LAMB4: variants seen among roughly 807,000 people sequenced by gnomAD.
LAMB4 encodes the protein laminin subunit beta 4.
In LAMB4, 196 loss-of-function variants were observed where a neutral mutation model predicts 199.2. The observed-to-expected ratio is 0.98, with a 90% CI of 0.88 to 1.11. The LOEUF is 1.11. Among genes scored for constraint, LAMB4 ranks in the 50% least tolerant of loss-of-function variants. The pLI is 0.00. For missense variants in LAMB4, 2,080 were observed against 2,171.2 expected (o/e 0.96, Z 0.83); for synonymous variants, 744 against 770.6 (o/e 0.97, Z 0.57).
At chr7:108,106,624 G>A (rs2038025835) in intron 6 of LAMB4, 52 bp from the exon 7 acceptor site, 1 of 1,018,914 alleles carries the variant, frequency 9.8e-7, no homozygotes. Flanking sequence ...AAACGTAATT[G>A]TCAAACACAC....
At chr7:108,043,542 GAT>G in intron 29 of LAMB4, among the ~76,000 whole-genome samples, 1 of 62,538 alleles carries the variant, frequency 1.6e-5, no homozygotes, top group African/African-American at 1.2e-4. Flanking sequence ...AACTGGCTAT[GAT>G]GTTTTTTTTT....
chr7:108,043,326 A>C (rs1038818304), intron 29 of LAMB4, among the ~76,000 whole-genome samples: 1 of 152,144 alleles, frequency 6.6e-6, no homozygotes, highest in Non-Finnish European at 1.5e-5. Context: ...CTTAAAAAAA[A>C]CATAAAATAA....
At position 108,068,085 on chromosome 7, in the gene LAMB4, G is replaced by A; in HGVS notation, c.2377C>T (p.Leu793Phe). The A allele has an allele frequency of 1.9e-6, 3 of 1,614,142 alleles. No individual in the cohort carries two copies. The East Asian group carries it at 6.7e-5, about 36-fold the overall frequency. Residue 793 changes from leucine to phenylalanine, a missense_variant, in exon 19 of 34, where the codon CTT (leucine) becomes TTT (phenylalanine). Leu to Phe is a conservative substitution (Grantham distance 22). Transcript: ENST00000388781. ...CTGTCACAGCAGCGCCCGACCACAA[G>A]AGGTTTACACTGGCACTGGCCTCCA... ...RLGGQCQCKP[L>F]VVGRCCDRCS...
chr7:108,103,812 A>G (rs1339295845), intron 9 of LAMB4, among the ~76,000 whole-genome samples: 3 of 152,164 alleles, frequency 2.0e-5, no homozygotes, highest in Non-Finnish European at 4.4e-5. Context: ...CTTTTCCTGT[A>G]AACAGTCTAA....
At chr7:108,041,401 A>G (rs1340035534) in intron 29 of LAMB4, among the ~76,000 whole-genome samples, 1 of 152,236 alleles carries the variant, frequency 6.6e-6, no homozygotes, top group East Asian at 1.9e-4. Context: ...CTGGGTATAT[A>G]CCCAAAGGGT....
chr7:108,077,579 A>C (rs1421683651), intron 16 of LAMB4, among the ~76,000 whole-genome samples: 1 of 152,134 alleles, frequency 6.6e-6, no homozygotes, highest in Non-Finnish European at 1.5e-5. Context: ...CTGTAATCCC[A>C]GCTACTCAGG....
intron 9 of LAMB4, 81 bp downstream of exon 9, chr7:108,104,418 C>A: frequency 1.3e-6 from 2 of 1,549,958 alleles, no homozygotes; most frequent in East Asian, 2.3e-5. Flanking sequence ...GCCTGCAGCC[C>A]CACAGAAGTG....
chr7:108,055,690 G>GT lies in LAMB4; in HGVS notation c.3696dup (p.His1233ThrfsTer17). On this transcript the variant is annotated frameshift_variant, in exon 25 of 34. Coordinates refer to ENST00000388781, the MANE Select transcript of LAMB4 (RefSeq NM_007356.3). LOFTEE classifies it high-confidence loss of function. The stretch of plus-strand genomic sequence containing the variant: ...AATTTCCCAGATGGGAAAACAGGAT[G>GT]TTTCAAAATCCTTTCTATTTCAGAC... The GT allele has an allele frequency of 6.2e-7, 1 of 1,613,898 alleles. No individual in the cohort carries two copies. Among genetic ancestry groups the GT allele is most frequent in the East Asian group, 2.2e-5 (1 of 44,886 alleles).
chr7:108,068,072 C>T lies in LAMB4; in HGVS notation c.2390G>A (p.Arg797His), dbSNP rs151119551. The T allele has an allele frequency of 4.2e-5, 67 of 1,614,156 alleles. No homozygotes were observed. The highest frequency in any genetic ancestry group is 3.3e-4 in the Middle Eastern group (2 of 6,062). ...TCCAGTTGAGCACCTGTCACAGCAG[C>T]GCCCGACCACAAGAGGTTTACACTG... is the stretch of plus-strand genomic sequence containing the variant. Reference protein sequence around the residue: ...QCQCKPLVVGRCCDRCSTGSY... With the variant: ...QCQCKPLVVGHCCDRCSTGSY... Residue 797 changes from arginine (R) to histidine (H), a missense_variant, in exon 19 of 34, where the codon CGC becomes CAC. Physicochemically the swap from Arg to His is conservative, Grantham distance 29 (BLOSUM62 0). Transcript: ENST00000388781.
At position 108,055,874 on chromosome 7, in the gene LAMB4, A is replaced by G; in HGVS notation, c.3513T>C (p.Thr1171=). 6.2e-7 allele frequency: 1 copy of G among 1,614,176 alleles called. No homozygotes were observed. The highest frequency in any genetic ancestry group is 8.5e-7 in the Non-Finnish European group (1 of 1,180,024). ...CARGHSQEFP[T]CLQCHLCFDQ... ...CAAAGCACAAGTGACATTGAAGACA[A>G]GTAGGGAATTCCTGGCTGTGTCCCC... The change falls in exon 25 of 34, where the codon ACT becomes ACC. Residue 1171 remains threonine (T), a synonymous_variant. Transcript: ENST00000388781.
In LAMB4 at chr7:108,106,501, A is replaced by G; in HGVS notation, c.655+8T>C. On this transcript the variant is annotated splice_region_variant and intron_variant, in intron 7 of 33. Coordinates refer to ENST00000388781, the MANE Select transcript of LAMB4 (RefSeq NM_007356.3). ...AAGCTGATATGAAAAATATAAAGGA[A>G]TTCATACCTTGGATGTAGGGGCTAT... 6.6e-7 allele frequency: 1 copy of G among 1,510,924 alleles called. No individual in the cohort carries two copies. Among genetic ancestry groups the G allele is most frequent in the Non-Finnish European group, 9.1e-7 (1 of 1,099,322 alleles). The allele number at this position is 1,510,924 out of a possible 1,614,324, so 93.6% of individuals were successfully genotyped here.
chr7:108,125,898 T>C (rs1194970324), intron 1 of LAMB4, among the ~76,000 whole-genome samples: 1 of 152,254 alleles, frequency 6.6e-6, no homozygotes, highest in Non-Finnish European at 1.5e-5. Context: ...ATGGGAATTC[T>C]CTTCAAGCAA....
chr7:108,053,748 C>T (rs567165400), intron 25 of LAMB4, among the ~76,000 whole-genome samples: 4 of 152,310 alleles, frequency 2.6e-5, no homozygotes, highest in Admixed American at 1.3e-4. Flanking sequence ...CTGTCCAGAA[C>T]GTCCATGGTG....
chr7:108,052,776 G>C (rs1298055242), intron 25 of LAMB4, among the ~76,000 whole-genome samples: 2 of 152,156 alleles, frequency 1.3e-5, no homozygotes, highest in Non-Finnish European at 2.9e-5. Flanking sequence ...TTTCTTGCTG[G>C]TGAGTGTTCC....
In LAMB4 at chr7:108,046,759, A is replaced by G. The variant is rs191006275; in HGVS notation, c.4326+1149T>C. ...GAGTTCAAGGTATGGTTTAATTCCT[A>G]TTAAGCTATTTTCTAACATTAAATT... On this transcript the variant is annotated intron_variant, in intron 28 of 33. Coordinates refer to ENST00000388781, the MANE Select transcript of LAMB4 (RefSeq NM_007356.3). 5.2e-4 allele frequency among the ~76,000 whole-genome samples: 79 copies of G among 152,210 alleles called. 1 individual carries two copies. Among genetic ancestry groups the G allele is most frequent in the Admixed American group, 4.4e-3 (67 of 15,286 alleles).
chr7:108,093,062 G>A (rs2037470941), intron 12 of LAMB4, among the ~76,000 whole-genome samples: 1 of 152,296 alleles, frequency 6.6e-6, no homozygotes, highest in Non-Finnish European at 1.5e-5. Flanking sequence ...ACCAGCCTAT[G>A]TGTAACTGCC....
In LAMB4 at chr7:108,055,878, G is replaced by A; in HGVS notation, c.3509C>T (p.Pro1170Leu). The change falls in exon 25 of 34, where the codon CCT becomes CTT. Residue 1170 changes from proline to leucine, a missense_variant. Coordinates refer to ENST00000388781, the MANE Select transcript of LAMB4 (RefSeq NM_007356.3). ...GCACAAGTGACATTGAAGACAAGTAGGGAATTCCTGGCTGTGTCCCCGGGC... is the reference window on the plus strand; with the variant it reads ...GCACAAGTGACATTGAAGACAAGTAAGGAATTCCTGGCTGTGTCCCCGGGC... ...RCARGHSQEF[P>L]TCLQCHLCFD... 2 of 1,614,182 alleles carry A rather than the reference G, an allele frequency of 1.2e-6. No individual in the cohort carries two copies. The highest frequency in any genetic ancestry group is 1.7e-6 in the Non-Finnish European group (2 of 1,180,046).
At chr7:108,050,607 C>T (rs1253057129) in intron 26 of LAMB4, among the ~76,000 whole-genome samples, 2 of 152,148 alleles carry the variant, frequency 1.3e-5, no homozygotes, top group East Asian at 3.9e-4. Context: ...GGCCCACGGT[C>T]CTGATCTGAT....
In LAMB4 at chr7:108,047,969, G is replaced by C. The variant is rs952520757; in HGVS notation, c.4265C>G (p.Ala1422Gly). Residue 1422 changes from alanine (A) to glycine (G), a missense_variant, in exon 28 of 34, where the codon GCC (alanine) becomes GGC (glycine). Physicochemically the swap from Ala to Gly is moderately conservative, Grantham distance 60. Coordinates refer to ENST00000388781, the MANE Select transcript of LAMB4 (RefSeq NM_007356.3). ...LTLSTNALQKAQEAKSIIRNL... is the reference protein window; with the variant it reads ...LTLSTNALQKGQEAKSIIRNL... Reference sequence around the variant, plus strand: ...ACGAATAATGGATTTTGCTTCCTGGGCTTTTTGGAGGGCATTCGTTGAGAG... The same window carrying C: ...ACGAATAATGGATTTTGCTTCCTGGCCTTTTTGGAGGGCATTCGTTGAGAG... 1.2e-6 allele frequency: 2 copies of C among 1,614,008 alleles called. No homozygotes were observed. Among genetic ancestry groups the C allele is most frequent in the Non-Finnish European group, 1.7e-6 (2 of 1,180,032 alleles).
Sources: gnomAD v4.1 joint callset for allele counts (sites outside exome capture counted in the v4.1 genomes callset) on GRCh38, gnomAD v4.1.1 for gene constraint, MANE v1.5 for transcripts, NCBI Gene and HGNC (gene_info 2026-07-23, HGNC 2026-07-21) for gene names.